Variants in ACTR3C observed in about 807,000 individuals in gnomAD.
ACTR3C encodes the protein actin-related protein 3C.
In ACTR3C, 18 loss-of-function variants were observed where a neutral mutation model predicts 26.3. The observed-to-expected ratio is 0.68, with a 90% CI of 0.47 to 1.01. ACTR3C has a LOEUF of 1.01. Ranked by LOEUF, ACTR3C falls within the 50% of genes least tolerant of loss-of-function variation. The pLI is 0.00. For missense variants in ACTR3C, 184 were observed against 250.7 expected (o/e 0.73, Z 1.80); for synonymous variants, 55 against 94.5 (o/e 0.58, Z 2.42).
chr7:149,938,245 T>A, the ACTR3C span, among the ~76,000 whole-genome samples: 5 of 152,326 alleles, frequency 3.3e-5, no homozygotes, highest in Admixed American at 2.6e-4. Flanking sequence ...CAGCTTTTAT[T>A]ATTCTACTGA....
chr7:150,114,626 A>C, the ACTR3C span, among the ~76,000 whole-genome samples: 1 of 152,106 alleles, frequency 6.6e-6, no homozygotes, highest in Admixed American at 6.5e-5. Flanking sequence ...ACGCGTATCT[A>C]TTTTCTGTTT....
At chr7:150,185,369 G>A in the ACTR3C span, among the ~76,000 whole-genome samples, 3 of 150,384 alleles carry the variant, frequency 2.0e-5, no homozygotes, top group Non-Finnish European at 4.4e-5. Context: ...TATGATAGAA[G>A]TTTATAAATT....
the ACTR3C span, among the ~76,000 whole-genome samples, chr7:150,077,975 C>A: frequency 6.6e-6 from 1 of 152,186 alleles, no homozygotes; most frequent in Non-Finnish European, 1.5e-5. Context: ...GCAACCCCAA[C>A]TTCACGCTCC....
chr7:150,065,043 G>A, the ACTR3C span, among the ~76,000 whole-genome samples: 1 of 151,742 alleles, frequency 6.6e-6, no homozygotes, highest in African/African-American at 2.4e-5. Context: ...GGGGTGTTTA[G>A]ATGGATAAAT....
the ACTR3C span, among the ~76,000 whole-genome samples, chr7:149,983,366 G>A: frequency 2.2e-3 from 322 of 147,792 alleles, no homozygotes; most frequent in African/African-American, 7.8e-3. Flanking sequence ...AAACCACAAA[G>A]AGGTATCACC....
At chr7:149,911,911 G>A in the ACTR3C span, among the ~76,000 whole-genome samples, 2 of 151,572 alleles carry the variant, frequency 1.3e-5, no homozygotes, top group African/African-American at 4.8e-5. Flanking sequence ...ATAATAGACT[G>A]AGGCAAGAGG....
the ACTR3C span, among the ~76,000 whole-genome samples, chr7:150,013,553 G>T: frequency 1.3e-5 from 2 of 152,214 alleles, no homozygotes. Flanking sequence ...ACAGGCTGGA[G>T]GCACTGCATG....
the ACTR3C span, among the ~76,000 whole-genome samples, chr7:150,042,130 T>C: frequency 2.8e-4 from 14 of 49,310 alleles, no homozygotes; most frequent in East Asian, 9.5e-4. Context: ...ATGGGGGTCC[T>C]AAGAGCCAGT....
At chr7:149,946,906 G>A in the ACTR3C span, among the ~76,000 whole-genome samples, 16,406 of 151,046 alleles carry the variant, frequency 0.11, 3,047 homozygotes, top group African/African-American at 0.38. Context: ...ACAACACCAC[G>A]AATCAAATCA....
the ACTR3C span, among the ~76,000 whole-genome samples, chr7:150,060,748 CAG>C: frequency 6.6e-6 from 1 of 152,058 alleles, no homozygotes; most frequent in Non-Finnish European, 1.5e-5. Flanking sequence ...CGGGCTGACT[CAG>C]GGCAGCCCCT....
the ACTR3C span, among the ~76,000 whole-genome samples, chr7:149,966,518 C>T: frequency 6.6e-6 from 1 of 152,210 alleles, no homozygotes; most frequent in Admixed American, 6.5e-5. Context: ...TCTCACATAG[C>T]ATTACCCTAT....
the ACTR3C span, among the ~76,000 whole-genome samples, chr7:150,039,049 T>G: frequency 7.2e-6 from 1 of 139,318 alleles, no homozygotes; most frequent in Non-Finnish European, 1.6e-5. Flanking sequence ...GTAAGGTACC[T>G]GCTGTCGGAA....
At chr7:150,246,739 T>C (rs938614406), downstream of ACTR3C, 2 of 152,194 alleles carry the variant, frequency 1.3e-5, no homozygotes, top group African/African-American at 4.8e-5. Context: ...AGCATAATAA[T>C]TGAATGCAAA....
chr7:149,975,668 C>T, the ACTR3C span, among the ~76,000 whole-genome samples: 2 of 152,168 alleles, frequency 1.3e-5, no homozygotes, highest in Non-Finnish European at 2.9e-5. Context: ...ATAAAGAAAA[C>T]GGGTTTAACA....
chr7:150,280,986 A>T (rs1430113846), intron 6 of ACTR3C, among the ~76,000 whole-genome samples: 1 of 152,196 alleles, frequency 6.6e-6, no homozygotes, highest in Non-Finnish European at 1.5e-5. Flanking sequence ...AGGGAGAGAG[A>T]CGACCTCTTC....
the ACTR3C span, among the ~76,000 whole-genome samples, chr7:150,038,581 C>T: frequency 7.6e-5 from 11 of 145,634 alleles, 1 homozygote; most frequent in East Asian, 9.7e-4. Flanking sequence ...TGCCCTTAAG[C>T]TCCGGTAGAT....
At chr7:149,925,251 T>G in the ACTR3C span, among the ~76,000 whole-genome samples, 1 of 152,168 alleles carries the variant, frequency 6.6e-6, no homozygotes, top group East Asian at 1.9e-4. Context: ...TGTTCTTTGA[T>G]GGGAAGACTC....
At chr7:149,945,160 G>A in the ACTR3C span, among the ~76,000 whole-genome samples, 5 of 152,214 alleles carry the variant, frequency 3.3e-5, no homozygotes, top group East Asian at 1.9e-4. Context: ...GGAGGGAAGC[G>A]GCCTGGGGCA....
the ACTR3C span, among the ~76,000 whole-genome samples, chr7:149,925,144 A>T: frequency 6.6e-6 from 1 of 150,726 alleles, no homozygotes; most frequent in Non-Finnish European, 1.5e-5. Flanking sequence ...GCAAAAAAAA[A>T]TCAAATACAT....
Sources: allele counts gnomAD v4.1 joint callset (sites outside exome capture counted in the v4.1 genomes callset), GRCh38; gene constraint gnomAD v4.1.1; transcripts MANE v1.5; gene names NCBI Gene and HGNC (gene_info 2026-07-23, HGNC 2026-07-21).